The following MCC variants were observed in gnomAD, a reference collection of about 807,000 sequenced individuals.
MCC encodes the protein MCC regulator of Wnt signaling pathway, also known as colorectal mutant cancer protein.
A neutral mutation model predicts 116.2 loss-of-function variants in MCC; 90 were observed. The observed-to-expected ratio is 0.77, with a 90% CI of 0.65 to 0.92. The LOEUF (loss-of-function observed/expected upper bound fraction) is 0.92. Among genes scored for constraint, MCC ranks in the 40% least tolerant of loss-of-function variants. The probability of loss-of-function intolerance (pLI) is 0.00; values close to 1 mark genes in which losing one functional copy is unlikely to be tolerated. For missense variants in MCC, 1,516 were observed against 1,312.2 expected (o/e 1.16, Z -2.40); for synonymous variants, 578 against 510.5 (o/e 1.13, Z -1.78).
At chr5:113,178,688 G>A (rs938887285) in intron 3 of MCC, among the ~76,000 whole-genome samples, 1 of 152,084 alleles carries the variant, frequency 6.6e-6, no homozygotes, top group Middle Eastern at 3.2e-3. Flanking sequence ...TTCTATCACT[G>A]TTGCGTTAAC....
At chr5:113,117,842 G>C (rs1481939133) in intron 6 of MCC, among the ~76,000 whole-genome samples, 1 of 152,144 alleles carries the variant, frequency 6.6e-6, no homozygotes, top group Non-Finnish European at 1.5e-5. Context: ...AATATGAAGG[G>C]CCGCAAAATC....
intron 1 of MCC, chr5:113,433,882 G>A (rs758477399): frequency 1.2e-6 from 2 of 1,613,902 alleles, no homozygotes; most frequent in Non-Finnish European, 1.7e-6. Context: ...TGTGCCTGGG[G>A]CTGTGCCTCT....
At chr5:113,282,842 A>C (rs987353396) in intron 3 of MCC, among the ~76,000 whole-genome samples, 3 of 152,240 alleles carry the variant, frequency 2.0e-5, no homozygotes, top group South Asian at 2.1e-4. Context: ...AGAGTTACCT[A>C]ATCTAACAGA....
At chr5:113,030,945 C>T (rs1433062237) in intron 17 of MCC, among the ~76,000 whole-genome samples, 1 of 152,180 alleles carries the variant, frequency 6.6e-6, no homozygotes, top group South Asian at 2.1e-4. Context: ...CTGTAAAGTG[C>T]GAGTTAGAGT....
chr5:113,088,723 G>A (rs1317516656), intron 8 of MCC, among the ~76,000 whole-genome samples: 2 of 152,030 alleles, frequency 1.3e-5, no homozygotes, highest in African/African-American at 4.8e-5. Context: ...GCCCTTTGAG[G>A]GAGTGTGGCT....
intron 6 of MCC, among the ~76,000 whole-genome samples, chr5:113,106,601 T>C (rs1756746462): frequency 6.6e-6 from 1 of 152,194 alleles, no homozygotes; most frequent in East Asian, 1.9e-4. Flanking sequence ...AGTACAATCC[T>C]GTGGAGTACA....
intron 3 of MCC, among the ~76,000 whole-genome samples, chr5:113,277,604 G>A (rs1052727731): frequency 1.3e-5 from 2 of 151,954 alleles, no homozygotes; most frequent in South Asian, 2.1e-4. Flanking sequence ...TAAAAAGCAC[G>A]GTCTGCTTTA....
In MCC at chr5:113,043,594, C is replaced by G; in HGVS notation, c.2692G>C (p.Ala898Pro). Residue 898 changes from alanine to proline, a missense_variant, in exon 17 of 19, where the codon GCC becomes CCC. Coordinates refer to ENST00000408903, the MANE Select transcript of MCC (RefSeq NM_001085377.2). ...TCGCTGCACGTTGTCCTGAGTTCGGCTAGGGACAGAGCTGGGGAGGCAGCA... is the reference window on the plus strand; with the variant it reads ...TCGCTGCACGTTGTCCTGAGTTCGGGTAGGGACAGAGCTGGGGAGGCAGCA... ...ADAASPALSL[A>P]ELRTTCSENE... The G allele has an allele frequency of 6.2e-7, 1 of 1,614,188 alleles. No homozygotes were observed. The highest frequency in any genetic ancestry group is 8.5e-7 in the Non-Finnish European group (1 of 1,180,018).
Position 113,049,198 on chromosome 5 carries a change from G to A in MCC, c.2550C>T (p.Tyr850=), listed in dbSNP as rs760510132. The part of the protein sequence containing the change: ...LSTREAQEQA[Y]LVHIEHLKSE... ...ACTTCAGGTGCTCAATGTGCACCAGGTAGGCCTGCTCCTGGGCCTCCCGCG... is the reference window on the plus strand; with the variant it reads ...ACTTCAGGTGCTCAATGTGCACCAGATAGGCCTGCTCCTGGGCCTCCCGCG... The change falls in exon 16 of 19, where the codon TAC becomes TAT. Residue 850 remains tyrosine (Y), a synonymous_variant. Transcript: ENST00000408903. 2 of 1,614,150 alleles carry A rather than the reference G, an allele frequency of 1.2e-6. No individual in the cohort carries two copies. Among genetic ancestry groups the A allele is most frequent in the South Asian group, 1.1e-5 (1 of 91,088 alleles).
At chr5:113,408,313 A>G (rs1304284368) in intron 1 of MCC, among the ~76,000 whole-genome samples, 6 of 152,172 alleles carry the variant, frequency 3.9e-5, no homozygotes, top group Non-Finnish European at 8.8e-5. Context: ...TGGCATACAC[A>G]TGACACTAAT....
intron 3 of MCC, chr5:113,269,250 T>G: frequency 1.0e-6 from 1 of 983,540 alleles, no homozygotes; most frequent in Non-Finnish European, 1.2e-6. Context: ...GGACTGGGCC[T>G]TTTGACTTCA....
At chr5:113,482,076 T>A (rs929766435) in intron 1 of MCC, among the ~76,000 whole-genome samples, 1 of 152,212 alleles carries the variant, frequency 6.6e-6, no homozygotes, top group African/African-American at 2.4e-5. Context: ...TTCATCCTTG[T>A]TATAGCATGT....
intron 3 of MCC, among the ~76,000 whole-genome samples, chr5:113,330,233 C>A (rs1767666745): frequency 6.6e-6 from 1 of 152,226 alleles, no homozygotes; most frequent in Non-Finnish European, 1.5e-5. Flanking sequence ...TGGAGCAGAG[C>A]TCTCTGAACC....
At chr5:113,394,093 G>A (rs899279052) in intron 1 of MCC, among the ~76,000 whole-genome samples, 6 of 152,064 alleles carry the variant, frequency 3.9e-5, no homozygotes, top group East Asian at 1.9e-4. Flanking sequence ...TCAAAGTCCT[G>A]TGCTTAATTC....
Position 113,084,098 on chromosome 5 carries a change from C to G in MCC, c.1635+3G>C. 6.2e-7 allele frequency: 1 copy of G among 1,613,560 alleles called. No individual in the cohort carries two copies. The highest frequency in any genetic ancestry group is 8.5e-7 in the Non-Finnish European group (1 of 1,179,554). On this transcript the variant is annotated splice_donor_region_variant and intron_variant, in intron 10 of 18. Transcript: ENST00000408903. Reference sequence around the variant, plus strand: ...TCTTGCCTTGCTTCTCATGAACACTCACCCCTATGCTACTGATTTCTGAGC... The same window carrying G: ...TCTTGCCTTGCTTCTCATGAACACTGACCCCTATGCTACTGATTTCTGAGC...
intron 1 of MCC, among the ~76,000 whole-genome samples, chr5:113,397,666 A>C (rs1212321162): frequency 6.6e-6 from 1 of 152,170 alleles, no homozygotes; most frequent in Non-Finnish European, 1.5e-5. Context: ...CCCCTTACTT[A>C]TCACCATATA....
At chr5:113,119,196 C>T (rs778747694) in intron 6 of MCC, among the ~76,000 whole-genome samples, 2 of 152,220 alleles carry the variant, frequency 1.3e-5, no homozygotes, top group Admixed American at 6.5e-5. Context: ...AGTCCCTGCC[C>T]GCGTGGAGCC....
intron 1 of MCC, among the ~76,000 whole-genome samples, chr5:113,468,566 C>T (rs369065567): frequency 6.6e-6 from 1 of 152,144 alleles, no homozygotes; most frequent in Admixed American, 6.5e-5. Flanking sequence ...TTTTGATGTG[C>T]TGCTGGATTC....
chr5:113,330,735 G>A (rs1262642842), intron 3 of MCC, among the ~76,000 whole-genome samples: 1 of 152,168 alleles, frequency 6.6e-6, no homozygotes, highest in Admixed American at 6.5e-5. Flanking sequence ...CTAGATATGG[G>A]ACCACTGCCC....
Sources: gnomAD v4.1 joint callset for allele counts (sites outside exome capture counted in the v4.1 genomes callset) on GRCh38, gnomAD v4.1.1 for gene constraint, MANE v1.5 for transcripts, NCBI Gene and HGNC (gene_info 2026-07-23, HGNC 2026-07-21) for gene names.